The following ATAD2B variants were observed in gnomAD, a reference collection of about 807,000 sequenced individuals.
ATAD2B encodes ATPase family AAA domain-containing protein 2B.
Under a neutral mutation model 167.6 loss-of-function variants are expected in ATAD2B, and 40 were observed. That is an observed-to-expected ratio of 0.24 (90% CI 0.19 to 0.31). The LOEUF is 0.31. Among genes scored for constraint, ATAD2B ranks in the 10% least tolerant of loss-of-function variants. The probability of loss-of-function intolerance (pLI) is 1.00; values close to 1 mark genes in which losing one functional copy is unlikely to be tolerated. For synonymous variants in ATAD2B, 579 were observed against 596.5 expected (o/e 0.97, Z 0.43); for missense variants, 1,242 against 1,757.2 (o/e 0.71, Z 5.24).
chr2:23,702,802 G>C, the ATAD2B span, among the ~76,000 whole-genome samples: 1 of 152,230 alleles, frequency 6.6e-6, no homozygotes, highest in Admixed American at 6.5e-5. Context: ...CATCCAGCAC[G>C]TTTCTCCAGT....
intron 24 of ATAD2B, among the ~76,000 whole-genome samples, chr2:23,760,997 T>A (rs1266219748): frequency 6.6e-6 from 1 of 152,164 alleles, no homozygotes; most frequent in African/African-American, 2.4e-5. Flanking sequence ...TATTTGTAGA[T>A]TCAAAAAGTT....
In ATAD2B at chr2:23,833,924, G is replaced by C; in HGVS notation, c.1723C>G (p.Gln575Glu). ...DREFLFNLPD[Q>E]KARKHILQIH... The stretch of plus-strand genomic sequence containing the variant: ...TTGAAAACAAAAACTCTTACCTTTT[G>C]ATCAGGCAGGTTGAAGAGGAATTCT... The change falls in exon 14 of 28, where the codon CAA becomes GAA. Residue 575 changes from glutamine to glutamate, a missense_variant. Physicochemically the swap from Gln to Glu is conservative, Grantham distance 29. Coordinates refer to ENST00000238789, the MANE Select transcript of ATAD2B (RefSeq NM_017552.4). The C allele has an allele frequency of 6.2e-7, 1 of 1,600,614 alleles. No homozygotes were observed. Among genetic ancestry groups the C allele is most frequent in the East Asian group, 2.2e-5 (1 of 44,766 alleles).
At chr2:23,709,035 CTTTTCTTT>C in the ATAD2B span, among the ~76,000 whole-genome samples, 19 of 151,978 alleles carry the variant, frequency 1.3e-4, no homozygotes, top group African/African-American at 4.6e-4. Flanking sequence ...CTTTTCTTTT[CTTTTCTTT>C]TTTTCTTTTT....
intron 13 of ATAD2B, among the ~76,000 whole-genome samples, chr2:23,836,250 G>A (rs1340438880): frequency 1.3e-5 from 2 of 152,204 alleles, no homozygotes; most frequent in Non-Finnish European, 2.9e-5. Context: ...TGTTGGCACA[G>A]GTGCTGGCTC....
rs1159708162 is a variant in ATAD2B, at chr2:23,749,805, G to A, written c.*2241C>T. On this transcript the variant is annotated 3_prime_UTR_variant, in exon 28 of 28. Coordinates refer to ENST00000238789, the MANE Select transcript of ATAD2B (RefSeq NM_017552.4). ...ATTTCCCTTTTCAAACTCACTGATGGCTAAAATCTTAATTAATTGTACAAA... is the reference window on the plus strand; with the variant it reads ...ATTTCCCTTTTCAAACTCACTGATGACTAAAATCTTAATTAATTGTACAAA... 3.3e-5 allele frequency: 5 copies of A among 151,928 alleles called. No individual in the cohort carries two copies. The highest frequency in any genetic ancestry group is 1.3e-4 in the Admixed American group (2 of 15,224). 9.4% of individuals were successfully genotyped at this position (151,928 alleles called of 1,614,324 possible).
intron 18 of ATAD2B, among the ~76,000 whole-genome samples, chr2:23,801,921 T>C (rs1474608100): frequency 1.1e-4 from 17 of 152,032 alleles, no homozygotes; most frequent in Admixed American, 4.6e-4. Context: ...GTTCCATCCA[T>C]GAAAATCTAG....
chr2:23,817,676 G>A, intron 17 of ATAD2B, among the ~76,000 whole-genome samples: 1 of 151,946 alleles, frequency 6.6e-6, no homozygotes, highest in Non-Finnish European at 1.5e-5. Context: ...AAGAAAAATT[G>A]GACAAATGGG....
chr2:23,880,620 G>A lies in ATAD2B; in HGVS notation c.901+19C>T. 3 of 1,405,910 alleles carry A rather than the reference G, an allele frequency of 2.1e-6. No individual in the cohort carries two copies. Among genetic ancestry groups the A allele is most frequent in the Non-Finnish European group, 2.9e-6 (3 of 1,017,058 alleles). 87.1% of individuals were successfully genotyped at this position (1,405,910 alleles called of 1,614,324 possible). A position where few individuals can be genotyped will look rare whatever the true frequency, so the allele number is the denominator to read the frequency against. ...TTACTCAACTACCAGAAAGAAAAAA[G>A]TTATTTAGAGTTGCCTACCTATTGG... On this transcript the variant is annotated intron_variant, in intron 7 of 27. Transcript: ENST00000238789.
chr2:23,686,825 A>G, the ATAD2B span, among the ~76,000 whole-genome samples: 2 of 152,172 alleles, frequency 1.3e-5, no homozygotes, highest in African/African-American at 4.8e-5. Flanking sequence ...GTAAGGTCAC[A>G]CAGGAAAAAG....
At chr2:23,808,075 AAG>A (rs1491396273) in intron 18 of ATAD2B, among the ~76,000 whole-genome samples, 10 of 133,060 alleles carry the variant, frequency 7.5e-5, no homozygotes, top group Non-Finnish European at 1.1e-4. Context: ...TATAATATAT[AAG>A]TAATTATATA....
the ATAD2B span, among the ~76,000 whole-genome samples, chr2:23,716,438 A>ATAG: frequency 1.3e-5 from 2 of 150,090 alleles, no homozygotes; most frequent in East Asian, 2.0e-4. Context: ...GGGACCTTTC[A>ATAG]TTGTTGTTGT....
chr2:23,701,497 A>G, the ATAD2B span, among the ~76,000 whole-genome samples: 1 of 152,160 alleles, frequency 6.6e-6, no homozygotes, highest in Non-Finnish European at 1.5e-5. Context: ...AGGATTGCTT[A>G]AGCTCAGGAG....
chr2:23,771,594 G>A (rs1213554009), intron 22 of ATAD2B, among the ~76,000 whole-genome samples: 2 of 152,118 alleles, frequency 1.3e-5, no homozygotes, highest in Admixed American at 1.3e-4. Flanking sequence ...TGTGATTATT[G>A]ATATGGTTGC....
At chr2:23,777,348 A>AT (rs1553380256) in intron 22 of ATAD2B, among the ~76,000 whole-genome samples, 3 of 146,334 alleles carry the variant, frequency 2.1e-5, no homozygotes, top group Non-Finnish European at 3.0e-5. Flanking sequence ...CATAATACTG[A>AT]TATATCTATA....
At chr2:23,794,490 G>C (rs1222449733) in intron 19 of ATAD2B, among the ~76,000 whole-genome samples, 2 of 152,168 alleles carry the variant, frequency 1.3e-5, no homozygotes, top group Non-Finnish European at 2.9e-5. Flanking sequence ...CCCTGAAAAA[G>C]TCTTGGGGGC....
At chr2:23,828,073 T>G (rs1043992750) in intron 15 of ATAD2B, among the ~76,000 whole-genome samples, 27 of 140,366 alleles carry the variant, frequency 1.9e-4, no homozygotes, top group Admixed American at 1.4e-3. Flanking sequence ...GAAGATTGGG[T>G]TTTTTTTTTT....
intron 13 of ATAD2B, chr2:23,856,413 C>T (rs1398757710): frequency 2.6e-6 from 1 of 381,518 alleles, no homozygotes; most frequent in Non-Finnish European, 5.3e-6. Flanking sequence ...GGATGCTCAA[C>T]CTGTAGCAGG....
chr2:23,918,383 T>C (rs1399652642), intron 1 of ATAD2B, among the ~76,000 whole-genome samples: 1 of 151,564 alleles, frequency 6.6e-6, no homozygotes, highest in Non-Finnish European at 1.5e-5. Context: ...AAAATACATA[T>C]ATACTACATA....
At chr2:23,748,040 G>C (rs1281208881), downstream of ATAD2B, among the ~76,000 whole-genome samples, 1 of 152,016 alleles carries the variant, frequency 6.6e-6, no homozygotes, top group East Asian at 1.9e-4. Context: ...TTTTGATACA[G>C]ACAAAAGTTG....
Sources: gnomAD v4.1 joint callset for allele counts (sites outside exome capture counted in the v4.1 genomes callset) on GRCh38, gnomAD v4.1.1 for gene constraint, MANE v1.5 for transcripts, NCBI Gene and HGNC (gene_info 2026-07-23, HGNC 2026-07-21) for gene names.